The following SAMD4A variants were observed in gnomAD, a reference collection of about 807,000 sequenced individuals.
The protein encoded by SAMD4A is sterile alpha motif domain containing 4A, also known as protein Smaug homolog 1.
In SAMD4A, 33 loss-of-function variants were observed where a neutral mutation model predicts 81.3. The observed-to-expected ratio is 0.41, with a 90% confidence interval of 0.31 to 0.54. The LOEUF (loss-of-function observed/expected upper bound fraction) is 0.54, where lower values mean the gene tolerates loss of function less well. Ranked by LOEUF, SAMD4A falls within the 20% of genes least tolerant of loss-of-function variation. The pLI is 0.37. For synonymous variants in SAMD4A, 389 were observed against 382.1 expected (o/e 1.02, Z -0.21); for missense variants, 854 against 951.1 (o/e 0.90, Z 1.34).
At chr14:54,732,061 A>G (rs2037570764) in intron 3 of SAMD4A, among the ~76,000 whole-genome samples, 1 of 152,230 alleles carries the variant, frequency 6.6e-6, no homozygotes, top group Admixed American at 6.5e-5. Flanking sequence ...CAGACTGCCC[A>G]TTGAAGGCTC....
At chr14:54,568,705 A>G (rs1326051369) in intron 2 of SAMD4A, among the ~76,000 whole-genome samples, 3 of 101,832 alleles carry the variant, frequency 2.9e-5, no homozygotes, top group African/African-American at 1.1e-4. Flanking sequence ...ATATATATAT[A>G]TATATATATA....
chr14:54,572,782 C>T (rs1229161827), intron 2 of SAMD4A, among the ~76,000 whole-genome samples: 1 of 152,152 alleles, frequency 6.6e-6, no homozygotes, highest in Non-Finnish European at 1.5e-5. Flanking sequence ...AATGATCCAG[C>T]AAGGATCTAT....
chr14:54,739,195 T>C (rs1222726097), intron 4 of SAMD4A, among the ~76,000 whole-genome samples: 1 of 151,572 alleles, frequency 6.6e-6, no homozygotes, highest in Non-Finnish European at 1.5e-5. Context: ...GAGAGAAAAG[T>C]TGAATAAATG....
At chr14:54,778,298 G>A (rs144654276) in intron 11 of SAMD4A, among the ~76,000 whole-genome samples, 14 of 152,290 alleles carry the variant, frequency 9.2e-5, no homozygotes, top group East Asian at 3.9e-4. Context: ...GGGTTGTCCC[G>A]GAGCGCTTCG....
At chr14:54,779,806 G>C (rs1211380205) in intron 11 of SAMD4A, among the ~76,000 whole-genome samples, 1 of 151,872 alleles carries the variant, frequency 6.6e-6, no homozygotes, top group Non-Finnish European at 1.5e-5. Flanking sequence ...CCTGGGACCA[G>C]CCAGGAGACC....
At chr14:54,612,647 T>C (rs1288229597) in intron 2 of SAMD4A, among the ~76,000 whole-genome samples, 1 of 152,186 alleles carries the variant, frequency 6.6e-6, no homozygotes, top group Admixed American at 6.5e-5. Context: ...AAGAAAAATT[T>C]GTACAAGAAG....
intron 2 of SAMD4A, among the ~76,000 whole-genome samples, chr14:54,619,822 G>C (rs2034573637): frequency 6.6e-6 from 1 of 152,150 alleles, no homozygotes; most frequent in African/African-American, 2.4e-5. Flanking sequence ...ACATGATCTT[G>C]TTCTTTTTTA....
chr14:54,695,000 C>A, intron 2 of SAMD4A: 1 of 791,864 alleles, frequency 1.3e-6, no homozygotes, highest in Non-Finnish European at 1.5e-6. Flanking sequence ...GGTCAGATGC[C>A]TTTGAATGAC....
intron 8 of SAMD4A, among the ~76,000 whole-genome samples, chr14:54,764,994 G>A (rs528355658): frequency 2.6e-5 from 4 of 152,330 alleles, no homozygotes; most frequent in East Asian, 1.9e-4. Context: ...TTGGGCTTGC[G>A]ATTGTTGTAG....
intron 3 of SAMD4A, among the ~76,000 whole-genome samples, chr14:54,713,973 G>A (rs1566599609): frequency 6.6e-6 from 1 of 152,150 alleles, no homozygotes; most frequent in Non-Finnish European, 1.5e-5. Flanking sequence ...TCAGTAGAAG[G>A]CTTCTTCATT....
rs934221138 is a variant in SAMD4A at position 54,766,543 on chromosome 14, T to C, written c.1596+2003T>C. ...GAGGAACCCTCTCCACCCTGAGACC[T>C]GAAAGGCAAGCGAGAGTCCTGGTGG... is the stretch of plus-strand genomic sequence containing the variant. On this transcript the variant is annotated intron_variant, in intron 8 of 12. Coordinates refer to ENST00000554335, the MANE Select transcript of SAMD4A (RefSeq NM_015589.6). 3.0e-4 allele frequency among the ~76,000 whole-genome samples: 46 copies of C among 152,074 alleles called. 1 individual carries two copies. Among genetic ancestry groups the C allele is most frequent in the Non-Finnish European group, 1.2e-4 (8 of 68,030 alleles).
chr14:54,732,218 A>AT (rs1056800473), intron 3 of SAMD4A, among the ~76,000 whole-genome samples: 8 of 152,196 alleles, frequency 5.3e-5, no homozygotes, highest in Admixed American at 3.9e-4. Flanking sequence ...AAATCTGCTG[A>AT]TTTTTTTAAA....
chr14:54,725,808 A>G (rs1384476797), intron 3 of SAMD4A, among the ~76,000 whole-genome samples: 1 of 152,262 alleles, frequency 6.6e-6, no homozygotes, highest in African/African-American at 2.4e-5. Flanking sequence ...ACGGAAGTAC[A>G]GAAGGGCCAC....
At chr14:54,584,130 C>A (rs561127529) in intron 2 of SAMD4A, among the ~76,000 whole-genome samples, 7 of 152,264 alleles carry the variant, frequency 4.6e-5, no homozygotes, top group Middle Eastern at 3.4e-3. Context: ...TGTTGCTGAA[C>A]TGCTAAAAGA....
At chr14:54,602,093 G>T (rs1438163391) in intron 2 of SAMD4A, among the ~76,000 whole-genome samples, 2 of 152,170 alleles carry the variant, frequency 1.3e-5, no homozygotes, top group African/African-American at 2.4e-5. Flanking sequence ...ACTTGGGCTA[G>T]ACCCAGAGAC....
At chr14:54,726,643 G>A (rs2140887918) in intron 3 of SAMD4A, among the ~76,000 whole-genome samples, 1 of 152,302 alleles carries the variant, frequency 6.6e-6, no homozygotes, top group South Asian at 2.1e-4. Flanking sequence ...GCAGCCCAGT[G>A]CAGTGGTTCT....
rs1298810168 is a variant in SAMD4A, at chr14:54,774,441, C to T, written c.1716-493C>T. ...AGCAGAGGCGGGGTGCAGTGGCTCA[C>T]GCCTGTAATCCCAGCACTTTGAGAG... On this transcript the variant is annotated intron_variant, in intron 9 of 12. Transcript: ENST00000554335. 3.3e-5 allele frequency among the ~76,000 whole-genome samples: 5 copies of T among 152,126 alleles called. 1 individual carries two copies. The South Asian group carries it at 6.2e-4, about 19-fold the overall frequency.
chr14:54,723,337 A>T (rs2037312139), intron 3 of SAMD4A, among the ~76,000 whole-genome samples: 1 of 152,166 alleles, frequency 6.6e-6, no homozygotes, highest in South Asian at 2.1e-4. Context: ...AGTTATAGGG[A>T]ATCTTTATGC....
At position 54,774,659 on chromosome 14, in the gene SAMD4A, A is replaced by AAAAAAAAAAAAG. The variant is rs2038790702; in HGVS notation, c.1716-271_1716-270insAAAAAAAGAAAA. Among the ~76,000 whole-genome samples the AAAAAAAAAAAAG allele has an allele frequency of 6.4e-5, 9 of 140,298 alleles. No individual in the cohort carries two copies. The South Asian group carries it at 2.0e-3, about 32-fold the overall frequency. The allele number at this position is 140,298 out of a possible 152,430, so 92.0% of individuals were successfully genotyped here. A position where few individuals can be genotyped will look rare whatever the true frequency, so the allele number is the denominator to read the frequency against. On this transcript the variant is annotated intron_variant, in intron 9 of 12. Coordinates refer to ENST00000554335, the MANE Select transcript of SAMD4A (RefSeq NM_015589.6). Reference sequence around the variant, plus strand: ...GTGAGACTCCATCTCTACCAAAAAAAAAAAGTTAGCTGGGCATGGTGGCAC... The same window carrying AAAAAAAAAAAAG: ...GTGAGACTCCATCTCTACCAAAAAAAAAAAAAAAAAAGAAAAGTTAGCTGGGCATGGTGGCAC...
Sources: allele counts gnomAD v4.1 joint callset (sites outside exome capture counted in the v4.1 genomes callset), GRCh38; gene constraint gnomAD v4.1.1; transcripts MANE v1.5; gene names NCBI Gene and HGNC (gene_info 2026-07-23, HGNC 2026-07-21).